The following HEATR3 variants were observed in gnomAD, a reference collection of about 807,000 sequenced individuals.
HEATR3 encodes HEAT repeat containing 3.
In HEATR3, 56 loss-of-function variants were observed where a neutral mutation model predicts 72.8. That is an observed-to-expected ratio of 0.77 (90% confidence interval 0.62 to 0.96). The LOEUF is 0.96. Among genes scored for constraint, HEATR3 ranks in the 40% least tolerant of loss-of-function variants. The probability of loss-of-function intolerance (pLI) is 0.00; values close to 1 mark genes in which losing one functional copy is unlikely to be tolerated. For synonymous variants in HEATR3, 331 were observed against 318.1 expected (o/e 1.04, Z -0.43); for missense variants, 747 against 831.4 (o/e 0.90, Z 1.25).
chr16:50,092,383 T>C (rs148179628), intron 11 of HEATR3, among the ~76,000 whole-genome samples: 35 of 151,926 alleles, frequency 2.3e-4, no homozygotes, highest in Middle Eastern at 3.4e-3. Context: ...TTAGGAACCT[T>C]AGCTGAGAGG....
At chr16:50,067,480 C>A (rs888044891) in intron 2 of HEATR3, among the ~76,000 whole-genome samples, 1 of 151,836 alleles carries the variant, frequency 6.6e-6, no homozygotes, top group Non-Finnish European at 1.5e-5. Flanking sequence ...AGCAAAGAAG[C>A]GAAGCAGCAG....
At chr16:50,097,055 A>G (rs971467142) in intron 12 of HEATR3, among the ~76,000 whole-genome samples, 1 of 152,190 alleles carries the variant, frequency 6.6e-6, no homozygotes, top group Non-Finnish European at 1.5e-5. Flanking sequence ...AATTAGATCC[A>G]GGTCCAGATT....
chr16:50,072,557 A>G (rs765091089), intron 4 of HEATR3, 48 bp from the exon 5 acceptor site: 128 of 1,173,002 alleles, frequency 1.1e-4, no homozygotes, highest in Non-Finnish European at 1.4e-4. Context: ...TTGATTTCCT[A>G]CTGTTAAAAT....
At chr16:50,095,513 A>G (rs921978940) in intron 12 of HEATR3, among the ~76,000 whole-genome samples, 5 of 148,002 alleles carry the variant, frequency 3.4e-5, no homozygotes, top group Admixed American at 1.4e-4. Flanking sequence ...GTGCCTTACC[A>G]CTTTTGCTAC....
rs2036797901 is a variant in HEATR3 at position 50,078,819 on chromosome 16, C to G, written c.842C>G (p.Ser281Cys). The G allele has an allele frequency of 3.7e-6, 6 of 1,613,970 alleles. No individual in the cohort carries two copies. Among genetic ancestry groups the G allele is most frequent in the Non-Finnish European group, 5.1e-6 (6 of 1,179,978 alleles). The part of the protein sequence containing the change: ...EIINALLKIL[S>C]EVLGMDAGEM... ...ATAAATGCCTTACTAAAGATCTTAT[C>G]TGAAGTTTTGGGAATGGATGCTGGT... The change falls in exon 7 of 15, where the codon TCT becomes TGT. Residue 281 changes from serine to cysteine, a missense_variant. Physicochemically the swap from Ser to Cys is moderately radical, Grantham distance 112. This residue lies in a region of HEATR3 where 586 missense variants were observed against 708.8 expected (regional missense o/e 0.83). Transcript: ENST00000299192.
chr16:50,086,413 T>G, intron 11 of HEATR3, 62 bp downstream of exon 11: 1 of 1,513,560 alleles, frequency 6.6e-7, no homozygotes, highest in Non-Finnish European at 8.9e-7. Flanking sequence ...GGGCAGGAAT[T>G]TGGATTTTGT....
At chr16:50,077,066 G>T (rs1001122596) in intron 6 of HEATR3, among the ~76,000 whole-genome samples, 1 of 152,004 alleles carries the variant, frequency 6.6e-6, no homozygotes, top group Non-Finnish European at 1.5e-5. Flanking sequence ...AGTAAAGACG[G>T]GGTTTCACTG....
intron 11 of HEATR3, among the ~76,000 whole-genome samples, chr16:50,092,835 T>C (rs907947350): frequency 6.6e-6 from 1 of 152,170 alleles, no homozygotes; most frequent in African/African-American, 2.4e-5. Flanking sequence ...ATAGGCCAGG[T>C]CAATATGTTC....
At chr16:50,068,420 G>A (rs1295251632) in intron 2 of HEATR3, among the ~76,000 whole-genome samples, 1 of 152,180 alleles carries the variant, frequency 6.6e-6, no homozygotes, top group Non-Finnish European at 1.5e-5. Context: ...GATTACAGGT[G>A]TGAGCCACAG....
chr16:50,098,782 CATTAAA>C (rs1468810264), intron 12 of HEATR3, among the ~76,000 whole-genome samples: 1 of 151,962 alleles, frequency 6.6e-6, no homozygotes, highest in East Asian at 1.9e-4. Flanking sequence ...CATTAAAAGA[CATTAAA>C]ATTATTTGCT....
chr16:50,075,876 C>G (rs556007240), intron 6 of HEATR3, among the ~76,000 whole-genome samples, 165 bp downstream of exon 6: 1 of 152,326 alleles, frequency 6.6e-6, no homozygotes, highest in East Asian at 1.9e-4. Context: ...AAGCAGTTGT[C>G]TATAGTTGTA....
At chr16:50,069,139 T>C (rs576745933) in intron 3 of HEATR3, 2 of 262,974 alleles carry the variant, frequency 7.6e-6, no homozygotes, top group Admixed American at 4.8e-5. Flanking sequence ...TAATTAGTAT[T>C]TAGTCATTGC....
rs538357082 is a variant in HEATR3, at chr16:50,073,477, G to C, written c.622+763G>C. On this transcript the variant is annotated intron_variant, in intron 5 of 14. Coordinates refer to ENST00000299192, the MANE Select transcript of HEATR3 (RefSeq NM_182922.4). Reference sequence around the variant, plus strand: ...TATTCCCCTGACTGCTGTTTTTCTTGACTCTAATGGATATTTTTAAGAGAA... The same window carrying C: ...TATTCCCCTGACTGCTGTTTTTCTTCACTCTAATGGATATTTTTAAGAGAA... The C allele has an allele frequency of 4.6e-5, 7 of 152,280 alleles. No individual in the cohort carries two copies. In the South Asian group the frequency reaches 1.2e-3, roughly 27 times the overall value. The allele number at this position is 152,280 out of a possible 1,614,324, so 9.4% of individuals were successfully genotyped here.
At chr16:50,075,856 C>A in intron 6 of HEATR3, 145 bp downstream of exon 6, 1 of 652,922 alleles carries the variant, frequency 1.5e-6, no homozygotes, top group Non-Finnish European at 2.6e-6. Context: ...TGAGAAGAGA[C>A]CCTTACTTCA....
intron 11 of HEATR3, among the ~76,000 whole-genome samples, 183 bp downstream of exon 11, chr16:50,086,534 C>T (rs968549305): frequency 6.6e-6 from 1 of 152,162 alleles, no homozygotes; most frequent in Non-Finnish European, 1.5e-5. Flanking sequence ...CAAGCAGCTC[C>T]TGGGCTTATA....
chr16:50,089,389 A>T (rs995208877), intron 11 of HEATR3, among the ~76,000 whole-genome samples: 8 of 79,486 alleles, frequency 1.0e-4, no homozygotes, highest in Admixed American at 9.8e-4. Context: ...ACTTCCAGGG[A>T]TTGGTAGTCT....
intron 2 of HEATR3, among the ~76,000 whole-genome samples, chr16:50,067,431 A>G (rs2036522703): frequency 6.6e-6 from 1 of 152,182 alleles, no homozygotes; most frequent in Admixed American, 6.5e-5. Context: ...GGCATGGGAA[A>G]ATAGGGGGAA....
chr16:50,101,994 G>A (rs1422703588), intron 13 of HEATR3, among the ~76,000 whole-genome samples: 2 of 152,126 alleles, frequency 1.3e-5, no homozygotes, highest in African/African-American at 4.8e-5. Context: ...GAGAGAGGTA[G>A]AGGGGAAAAT....
chr16:50,101,892 T>C (rs2037373878), intron 13 of HEATR3, among the ~76,000 whole-genome samples: 1 of 141,408 alleles, frequency 7.1e-6, no homozygotes, highest in Admixed American at 7.6e-5. Context: ...AAAGTGTTTT[T>C]CTTATGCTTT....
Sources: allele counts gnomAD v4.1 joint callset (sites outside exome capture counted in the v4.1 genomes callset), GRCh38; gene constraint gnomAD v4.1.1; regional missense constraint gnomAD v4.1.1; transcripts MANE v1.5; gene names NCBI Gene and HGNC (gene_info 2026-07-23, HGNC 2026-07-21).